The following MARCHF1 variants were observed in gnomAD, a reference collection of about 807,000 sequenced individuals.
The protein encoded by MARCHF1 is membrane associated ring-CH-type finger 1, also known as E3 ubiquitin-protein ligase MARCHF1.
Under a neutral mutation model 54.2 loss-of-function variants are expected in MARCHF1, and 40 were observed. The observed-to-expected ratio is 0.74, with a 90% CI of 0.57 to 0.96. The LOEUF is 0.96. Ranked by LOEUF, MARCHF1 falls within the 40% of genes least tolerant of loss-of-function variation. The pLI is 0.00. For synonymous variants in MARCHF1, 236 were observed against 236.3 expected (o/e 1.00, Z 0.01); for missense variants, 586 against 656.5 (o/e 0.89, Z 1.17).
rs115908705 is a variant in MARCHF1, at chr4:163,615,115, G to A, written c.163-1722C>T. Among the ~76,000 whole-genome samples the A allele has an allele frequency of 7.7e-3, 1,171 of 152,016 alleles. 11 individuals are homozygous for A. Among genetic ancestry groups the A allele is most frequent in the African/African-American group, 0.026 (1,075 of 41,510 alleles). ...GGAAATGCAGATGCAGAGACTACTG[G>A]ATCCCAGGACGTGATGTATTCTGGT... On this transcript the variant is annotated intron_variant, in intron 5 of 9. Coordinates refer to ENST00000514618, the MANE Select transcript of MARCHF1 (RefSeq NM_001394959.1).
At chr4:164,274,659 CTTTTTT>C (rs70952617) in intron 1 of MARCHF1, among the ~76,000 whole-genome samples, 4,910 of 44,612 alleles carry the variant, frequency 0.11, 1,107 homozygotes, top group African/African-American at 0.22. Flanking sequence ...TCAGGGTACA[CTTTTTT>C]TTTTTTTTTT....
At chr4:164,197,089 T>C (rs934974960) in intron 1 of MARCHF1, 2 of 1,606,632 alleles carry the variant, frequency 1.2e-6, no homozygotes, top group Non-Finnish European at 8.5e-7. Flanking sequence ...GTTATAACCT[T>C]CTTCATCCTC....
chr4:164,357,903 T>C (rs925856263), intron 1 of MARCHF1, among the ~76,000 whole-genome samples: 1 of 152,138 alleles, frequency 6.6e-6, no homozygotes, highest in African/African-American at 2.4e-5. Context: ...AATCATTTTC[T>C]AGAAAGAAAC....
chr4:163,905,463 T>G (rs1751044660), intron 3 of MARCHF1, among the ~76,000 whole-genome samples: 1 of 152,104 alleles, frequency 6.6e-6, no homozygotes, highest in Non-Finnish European at 1.5e-5. Flanking sequence ...TTGAGCTAAC[T>G]TCAATCTCAA....
At chr4:163,739,276 A>G (rs1746130649) in intron 4 of MARCHF1, among the ~76,000 whole-genome samples, 1 of 152,226 alleles carries the variant, frequency 6.6e-6, no homozygotes, top group South Asian at 2.1e-4. Context: ...TAGAGTTGCC[A>G]CTGAATCAGA....
intron 8 of MARCHF1, among the ~76,000 whole-genome samples, chr4:163,558,196 G>A (rs28366630): frequency 0.016 from 2,490 of 152,224 alleles, 47 homozygotes; most frequent in South Asian, 0.046. Context: ...ATTATCATCC[G>A]GAGCGGGGAA....
At chr4:164,176,972 C>CTATA (rs1253065832) in intron 1 of MARCHF1, among the ~76,000 whole-genome samples, 1 of 56,814 alleles carries the variant, frequency 1.8e-5, no homozygotes, top group African/African-American at 8.4e-5. Flanking sequence ...CTCTCTCTCT[C>CTATA]TCTCTCTCTA....
At chr4:164,102,800 A>C (rs1029722563) in intron 2 of MARCHF1, among the ~76,000 whole-genome samples, 1 of 143,344 alleles carries the variant, frequency 7.0e-6, no homozygotes, top group Admixed American at 7.0e-5. Flanking sequence ...AAATGCTCCA[A>C]TTAAAAGACA....
At chr4:163,901,554 T>A (rs575552866) in intron 3 of MARCHF1, among the ~76,000 whole-genome samples, 1 of 152,306 alleles carries the variant, frequency 6.6e-6, no homozygotes, top group African/African-American at 2.4e-5. Flanking sequence ...GGCAGCACAC[T>A]TACTGCACAC....
At chr4:163,953,677 C>T (rs570162733) in intron 3 of MARCHF1, among the ~76,000 whole-genome samples, 2 of 152,194 alleles carry the variant, frequency 1.3e-5, no homozygotes, top group South Asian at 4.1e-4. Flanking sequence ...GCCTGGAGTC[C>T]AAATCCATCC....
intron 1 of MARCHF1, among the ~76,000 whole-genome samples, chr4:164,120,192 T>C (rs988887464): frequency 6.6e-6 from 1 of 151,998 alleles, no homozygotes; most frequent in Non-Finnish European, 1.5e-5. Context: ...GTCGCTACAC[T>C]TAGACAAAAC....
intron 1 of MARCHF1, among the ~76,000 whole-genome samples, chr4:164,373,172 A>T (rs918387712): frequency 6.6e-6 from 1 of 152,094 alleles, no homozygotes; most frequent in African/African-American, 2.4e-5. Context: ...TTTGCAGATA[A>T]GGAAACCAAC....
At chr4:163,645,187 GA>G (rs1332125602) in intron 5 of MARCHF1, among the ~76,000 whole-genome samples, 6 of 152,260 alleles carry the variant, frequency 3.9e-5, no homozygotes, top group Admixed American at 2.6e-4. Flanking sequence ...AGGTCCTGAA[GA>G]TAGTTCAGTC....
intron 1 of MARCHF1, among the ~76,000 whole-genome samples, chr4:164,154,223 A>C (rs1579579072): frequency 2.0e-5 from 2 of 101,954 alleles, no homozygotes; most frequent in East Asian, 5.6e-4. Flanking sequence ...GGCCATTTAA[A>C]AGAAAAAGAA....
At chr4:164,231,125 C>A (rs113305765) in intron 1 of MARCHF1, among the ~76,000 whole-genome samples, 191 of 152,188 alleles carry the variant, frequency 1.3e-3, no homozygotes, top group African/African-American at 4.4e-3. Flanking sequence ...TCAGTTCATC[C>A]AATTCTGTCC....
chr4:163,558,976 CCTCTT>C (rs757663449), intron 8 of MARCHF1, among the ~76,000 whole-genome samples: 16 of 152,140 alleles, frequency 1.1e-4, no homozygotes, highest in Admixed American at 2.0e-4. Context: ...CACTTCCTCT[CCTCTT>C]ATTTATGAGG....
chr4:163,569,576 G>A (rs1310214071), intron 8 of MARCHF1, among the ~76,000 whole-genome samples: 1 of 44,112 alleles, frequency 2.3e-5, no homozygotes, highest in Non-Finnish European at 4.4e-5. Context: ...ACCATCTAAG[G>A]GGGTACATAC....
intron 2 of MARCHF1, among the ~76,000 whole-genome samples, chr4:164,020,170 G>A (rs908515259): frequency 6.6e-6 from 1 of 152,130 alleles, no homozygotes; most frequent in African/African-American, 2.4e-5. Flanking sequence ...GTTTACTAGA[G>A]AGGAAAGCAA....
chr4:163,939,914 A>G (rs1264494756), intron 3 of MARCHF1, among the ~76,000 whole-genome samples: 1 of 152,182 alleles, frequency 6.6e-6, no homozygotes, highest in Non-Finnish European at 1.5e-5. Flanking sequence ...TTATGGACTG[A>G]ATGTTTGTTT....
Sources: allele counts gnomAD v4.1 joint callset (sites outside exome capture counted in the v4.1 genomes callset), GRCh38; gene constraint gnomAD v4.1.1; transcripts MANE v1.5; gene names NCBI Gene and HGNC (gene_info 2026-07-23, HGNC 2026-07-21).